OSBP2: variants seen among roughly 807,000 people sequenced by gnomAD.
OSBP2 encodes oxysterol binding protein 2, also known as oxysterol-binding protein 2.
In OSBP2, 66 loss-of-function variants were observed where a neutral mutation model predicts 96.0. The ratio of observed to expected loss-of-function variants is 0.69; its 90% CI spans 0.56 to 0.84. The LOEUF is 0.84. Among genes scored for constraint, OSBP2 ranks in the 40% least tolerant of loss-of-function variants. The pLI is 0.00. For missense variants in OSBP2, 1,038 were observed against 1,222.7 expected, an observed-to-expected ratio of 0.85 and a Z score of 2.25; for synonymous variants, 525 against 520.9, an observed-to-expected ratio of 1.01 and a Z score of -0.11.
At chr22:30,854,539 T>G (rs1239096459) in intron 2 of OSBP2, among the ~76,000 whole-genome samples, 1 of 151,016 alleles carries the variant, frequency 6.6e-6, no homozygotes, top group Non-Finnish European at 1.5e-5. Context: ...AAACTCCTGA[T>G]CTCAGGTAAT....
At chr22:30,772,052 A>G (rs1249941302) in intron 2 of OSBP2, among the ~76,000 whole-genome samples, 1 of 152,236 alleles carries the variant, frequency 6.6e-6, no homozygotes, top group Non-Finnish European at 1.5e-5. Flanking sequence ...AAGGGCCATC[A>G]GACAGCCGCA....
intron 1 of OSBP2, among the ~76,000 whole-genome samples, chr22:30,710,134 C>G (rs2089324228): frequency 6.6e-6 from 1 of 151,184 alleles, no homozygotes. Context: ...GATTCCCCCA[C>G]TCAGCCTCCC....
chr22:30,844,086 G>C (rs1387454824), intron 2 of OSBP2, among the ~76,000 whole-genome samples: 1 of 152,094 alleles, frequency 6.6e-6, no homozygotes, highest in East Asian at 1.9e-4. Context: ...TGTCACCCAG[G>C]CTGGTCTCGA....
chr22:30,717,439 G>GA (rs2089480852), intron 1 of OSBP2, among the ~76,000 whole-genome samples: 2 of 152,180 alleles, frequency 1.3e-5, no homozygotes, highest in South Asian at 2.1e-4. Context: ...AAGGCCTTTT[G>GA]AAAAACGCCT....
At chr22:30,852,679 A>G (rs1261805237) in intron 2 of OSBP2, among the ~76,000 whole-genome samples, 1 of 152,102 alleles carries the variant, frequency 6.6e-6, no homozygotes, top group Non-Finnish European at 1.5e-5. Context: ...CACTTTGAAT[A>G]TAATTTACTC....
At chr22:30,876,774 C>T (rs2039589275) in intron 3 of OSBP2, among the ~76,000 whole-genome samples, 1 of 152,216 alleles carries the variant, frequency 6.6e-6, no homozygotes, top group African/African-American at 2.4e-5. Context: ...CCTGCCCCTA[C>T]TCTGCAGGCT....
intron 2 of OSBP2, among the ~76,000 whole-genome samples, chr22:30,853,289 T>G (rs1283025576): frequency 6.6e-6 from 1 of 152,238 alleles, no homozygotes; most frequent in Non-Finnish European, 1.5e-5. Context: ...CTTTAAGCTC[T>G]GTCACGAGGC....
intron 2 of OSBP2, among the ~76,000 whole-genome samples, chr22:30,860,515 G>C (rs2039189519): frequency 6.6e-6 from 1 of 152,252 alleles, no homozygotes; most frequent in Non-Finnish European, 1.5e-5. Flanking sequence ...CGCGCCAGAG[G>C]AGGGGGCTGC....
chr22:30,871,611 G>A lies in OSBP2; in HGVS notation c.1107+929G>A, dbSNP rs1448368399. Among the ~76,000 whole-genome samples, 2 of 152,198 alleles carry A rather than the reference G, an allele frequency of 1.3e-5. No individual in the cohort carries two copies. Among genetic ancestry groups the A allele is most frequent in the African/African-American group, 2.4e-5 (1 of 41,452 alleles). On this transcript the variant is annotated intron_variant, in intron 3 of 13. Transcript: ENST00000332585. The surrounding 1 kb of genome is among the most constrained non-coding windows in gnomAD (Gnocchi z 4.7). ...GAGAAGGGGGTTCAGGAGAGTCATC[G>A]TGCTGGCTGGGGACAGTGGGCAGTG...
chr22:30,721,070 C>CA (rs1033786502), intron 1 of OSBP2, among the ~76,000 whole-genome samples: 6 of 151,898 alleles, frequency 4.0e-5, no homozygotes, highest in African/African-American at 1.5e-4. Flanking sequence ...ACTAAAAATA[C>CA]AAAAAAATTA....
chr22:30,868,085 C>T (rs2039382695), intron 2 of OSBP2, among the ~76,000 whole-genome samples: 1 of 152,252 alleles, frequency 6.6e-6, no homozygotes, highest in African/African-American at 2.4e-5. Context: ...TTTCCGTCCC[C>T]AGATCTACCT....
At position 30,730,807 on chromosome 22, in the gene OSBP2, TA is replaced by T. The variant is rs136363; in HGVS notation, c.645-10352del. 3.6e-3 allele frequency among the ~76,000 whole-genome samples: 160 copies of T among 44,412 alleles called. 18 individuals are homozygous for T. Among genetic ancestry groups the T allele is most frequent in the South Asian group, 0.01 (13 of 1,288 alleles). The allele number at this position is 44,412 out of a possible 152,430, so 29.1% of individuals were successfully genotyped here. ...ATATATATATATATATATATATATA[TA>T]ATTTTTTTTTTTTTTCCCATGGACA... On this transcript the variant is annotated intron_variant, in intron 1 of 13. Coordinates refer to ENST00000332585, the MANE Select transcript of OSBP2 (RefSeq NM_030758.4).
intron 1 of OSBP2, among the ~76,000 whole-genome samples, chr22:30,715,982 C>T (rs890114504): frequency 2.0e-5 from 3 of 151,370 alleles, no homozygotes; most frequent in South Asian, 2.1e-4. Flanking sequence ...CCCGAAGTAT[C>T]GGGATTACAG....
intron 2 of OSBP2, among the ~76,000 whole-genome samples, chr22:30,844,095 G>A (rs1012191857): frequency 1.4e-4 from 22 of 152,010 alleles, no homozygotes; most frequent in African/African-American, 5.3e-4. Context: ...GGCTGGTCTC[G>A]AACTCCTGTG....
chr22:30,866,621 C>T (rs1191334531), intron 2 of OSBP2, among the ~76,000 whole-genome samples: 1 of 152,146 alleles, frequency 6.6e-6, no homozygotes, highest in Non-Finnish European at 1.5e-5. Flanking sequence ...CCTGTAATGC[C>T]AGCTACTCAG....
intron 2 of OSBP2, among the ~76,000 whole-genome samples, chr22:30,847,982 T>C (rs1000419516): frequency 5.3e-5 from 8 of 152,206 alleles, no homozygotes; most frequent in Non-Finnish European, 1.2e-4. Context: ...AAAACACATA[T>C]ACTATAGATA....
At chr22:30,825,684 G>A (rs1409360458) in intron 2 of OSBP2, among the ~76,000 whole-genome samples, 2 of 152,198 alleles carry the variant, frequency 1.3e-5, no homozygotes, top group Admixed American at 6.5e-5. Context: ...CGTAAGTCAC[G>A]AGAGCAGAAC....
intron 12 of OSBP2, among the ~76,000 whole-genome samples, chr22:30,904,173 G>C (rs1233476261): frequency 6.6e-6 from 1 of 152,236 alleles, no homozygotes; most frequent in Non-Finnish European, 1.5e-5. Flanking sequence ...GGTGATGGCA[G>C]GGCAGCCTGG....
At chr22:30,803,816 G>A (rs754601099) in intron 2 of OSBP2, among the ~76,000 whole-genome samples, 2 of 152,026 alleles carry the variant, frequency 1.3e-5, no homozygotes, top group Non-Finnish European at 2.9e-5. Context: ...GTGTGTGTGT[G>A]TGTATGTGTG....
Sources: allele counts gnomAD v4.1 joint callset (sites outside exome capture counted in the v4.1 genomes callset), GRCh38; gene constraint gnomAD v4.1.1; non-coding constraint Gnocchi (gnomAD v3.1); transcripts MANE v1.5; gene names NCBI Gene and HGNC (gene_info 2026-07-23, HGNC 2026-07-21).